Variants in FAT3 observed in about 807,000 individuals in gnomAD.
FAT3 encodes the protein protocadherin Fat 3.
FAT3 carries 95 observed loss-of-function variants against 310.2 expected under a neutral mutation model. The observed-to-expected ratio is 0.31, with a 90% confidence interval of 0.26 to 0.36. The LOEUF (loss-of-function observed/expected upper bound fraction) is 0.36, where lower values mean the gene tolerates loss of function less well. Ranked by LOEUF, FAT3 falls within the 10% of genes least tolerant of loss-of-function variation. FAT3 has a pLI of 1.00. For synonymous variants in FAT3, 2,314 were observed against 2,192.9 expected, an observed-to-expected ratio of 1.06 and a Z score of -1.54; for missense variants, 5,408 against 5,715.6, an observed-to-expected ratio of 0.95 and a Z score of 1.74.
chr11:92,726,843 A>C (rs1022770657), intron 4 of FAT3, among the ~76,000 whole-genome samples: 2 of 151,784 alleles, frequency 1.3e-5, no homozygotes, highest in Non-Finnish European at 1.5e-5. Flanking sequence ...GAAAAGCAAA[A>C]ACTGTCCAAA....
chr11:92,385,024 C>A (rs905236467), intron 2 of FAT3, among the ~76,000 whole-genome samples: 1 of 152,142 alleles, frequency 6.6e-6, no homozygotes, highest in Non-Finnish European at 1.5e-5. Flanking sequence ...TGTGCCAGCT[C>A]CTGACTGCAC....
intron 2 of FAT3, among the ~76,000 whole-genome samples, chr11:92,444,782 CCTT>C (rs1565322363): frequency 6.6e-6 from 1 of 151,998 alleles, no homozygotes; most frequent in East Asian, 1.9e-4. Context: ...ATGCATATGA[CCTT>C]CTCCTTCTTC....
chr11:92,500,350 A>AT (rs917709851), intron 2 of FAT3, among the ~76,000 whole-genome samples: 2 of 151,956 alleles, frequency 1.3e-5, no homozygotes, highest in Non-Finnish European at 2.9e-5. Context: ...TCTATAAGGT[A>AT]TTTTTTTCTT....
At chr11:92,301,767 C>T (rs770809276) in intron 1 of FAT3, among the ~76,000 whole-genome samples, 1 of 151,966 alleles carries the variant, frequency 6.6e-6, no homozygotes, top group Non-Finnish European at 1.5e-5. Flanking sequence ...ATCAAATGTC[C>T]AAACTAGATC....
At chr11:92,364,078 C>T (rs1948952401) in intron 2 of FAT3, among the ~76,000 whole-genome samples, 1 of 152,008 alleles carries the variant, frequency 6.6e-6, no homozygotes, top group South Asian at 2.1e-4. Context: ...GCTTGAGCTG[C>T]TATTGTCTCT....
In FAT3 at chr11:92,845,232, A is replaced by G. The variant is rs74482905; in HGVS notation, c.11365+500A>G. Reference sequence around the variant, plus strand: ...CAGGCCCAGTCATCACACAAGGGCCATTAGCCAAGATGAAGAGTTTAGAAA... The same window carrying G: ...CAGGCCCAGTCATCACACAAGGGCCGTTAGCCAAGATGAAGAGTTTAGAAA... On this transcript the variant is annotated intron_variant, in intron 19 of 27. Coordinates refer to ENST00000525166, the MANE Select transcript of FAT3 (RefSeq NM_001367949.2). 6.8e-3 allele frequency among the ~76,000 whole-genome samples: 1,035 copies of G among 152,390 alleles called. 6 individuals carry two copies. Among genetic ancestry groups the G allele is most frequent in the African/African-American group, 0.023 (975 of 41,602 alleles).
At chr11:92,807,552 A>G (rs913322774) in intron 12 of FAT3, among the ~76,000 whole-genome samples, 3 of 152,218 alleles carry the variant, frequency 2.0e-5, no homozygotes, top group Non-Finnish European at 4.4e-5. Context: ...TATGCTCGTA[A>G]CAGGTATAAA....
intron 2 of FAT3, among the ~76,000 whole-genome samples, chr11:92,402,451 T>C (rs932533180): frequency 6.6e-6 from 1 of 152,070 alleles, no homozygotes; most frequent in African/African-American, 2.4e-5. Flanking sequence ...ATTCTCGGTC[T>C]GGGTGCAGTG....
chr11:92,343,892 C>G (rs998361387), intron 1 of FAT3, among the ~76,000 whole-genome samples: 2 of 152,098 alleles, frequency 1.3e-5, no homozygotes, highest in African/African-American at 2.4e-5. Context: ...GCAGCTAGAG[C>G]CACAGTGTCT....
At chr11:92,753,002 A>G (rs1217273217) in intron 4 of FAT3, among the ~76,000 whole-genome samples, 2 of 152,218 alleles carry the variant, frequency 1.3e-5, no homozygotes, top group African/African-American at 2.4e-5. Flanking sequence ...TTTCTCAAAT[A>G]TATTTAAGTA....
At chr11:92,795,250 G>A (rs1218357945) in intron 9 of FAT3, among the ~76,000 whole-genome samples, 1 of 152,082 alleles carries the variant, frequency 6.6e-6, no homozygotes, top group Non-Finnish European at 1.5e-5. Flanking sequence ...AGATGCATAT[G>A]AATAGAGAGT....
chr11:92,524,535 T>C, intron 2 of FAT3, 99 bp from the exon 3 acceptor site: 1 of 1,177,302 alleles, frequency 8.5e-7, no homozygotes, highest in Non-Finnish European at 1.2e-6. Flanking sequence ...GTGTTTTTCA[T>C]ATGCCAAGAT....
chr11:92,766,207 G>T (rs919879604), intron 6 of FAT3, among the ~76,000 whole-genome samples: 2 of 152,186 alleles, frequency 1.3e-5, no homozygotes, highest in African/African-American at 2.4e-5. Flanking sequence ...AGGGAGAGGC[G>T]CTGGAGAGGA....
At chr11:92,553,510 C>T (rs1347641181) in intron 3 of FAT3, among the ~76,000 whole-genome samples, 1 of 152,132 alleles carries the variant, frequency 6.6e-6, no homozygotes, top group African/African-American at 2.4e-5. Flanking sequence ...GGCATCTGTT[C>T]AACTTTAGAA....
At chr11:92,437,013 G>A (rs1404466444) in intron 2 of FAT3, among the ~76,000 whole-genome samples, 1 of 152,134 alleles carries the variant, frequency 6.6e-6, no homozygotes, top group South Asian at 2.1e-4. Context: ...ATTTATGCTG[G>A]CATTCTCATC....
At chr11:92,249,536 G>A (rs138090062) in intron 1 of FAT3, among the ~76,000 whole-genome samples, 1 of 152,022 alleles carries the variant, frequency 6.6e-6, no homozygotes, top group African/African-American at 2.4e-5. Flanking sequence ...TGATTGACTT[G>A]GGTTTTACAA....
At chr11:92,368,851 C>CATACACACAT (rs1228796512) in intron 2 of FAT3, among the ~76,000 whole-genome samples, 40 of 145,904 alleles carry the variant, frequency 2.7e-4, no homozygotes, top group African/African-American at 9.8e-4. Flanking sequence ...TATATATACA[C>CATACACACAT]ACATACACAT....
At chr11:92,569,672 G>A (rs532497199) in intron 3 of FAT3, among the ~76,000 whole-genome samples, 1 of 152,252 alleles carries the variant, frequency 6.6e-6, no homozygotes, top group East Asian at 1.9e-4. Context: ...AAGAGAAATT[G>A]TTAACTTTGC....
chr11:92,843,804 C>A, intron 18 of FAT3, 130 bp from the exon 19 acceptor site: 2 of 883,728 alleles, frequency 2.3e-6, no homozygotes, highest in Non-Finnish European at 3.5e-6. Context: ...CAGCATTTTT[C>A]AGAATAGTGG....
Sources: allele counts gnomAD v4.1 joint callset (sites outside exome capture counted in the v4.1 genomes callset), GRCh38; gene constraint gnomAD v4.1.1; transcripts MANE v1.5; gene names NCBI Gene and HGNC (gene_info 2026-07-23, HGNC 2026-07-21).